The following RTTN variants were observed in gnomAD, a reference collection of about 807,000 sequenced individuals.
RTTN encodes rotatin.
A neutral mutation model predicts 269.2 loss-of-function variants in RTTN; 182 were observed. The observed-to-expected ratio is 0.68, with a 90% CI of 0.60 to 0.76. The LOEUF (loss-of-function observed/expected upper bound fraction) is 0.76. Among genes scored for constraint, RTTN ranks in the 30% least tolerant of loss-of-function variants. The pLI is 0.00. For missense variants in RTTN, 2,545 were observed against 2,608.6 expected (o/e 0.98, Z 0.53); for synonymous variants, 1,006 against 963.5 (o/e 1.04, Z -0.82).
intron 35 of RTTN, among the ~76,000 whole-genome samples, chr18:70,063,066 T>C (rs879833976): frequency 2.0e-5 from 3 of 152,218 alleles, no homozygotes; most frequent in Non-Finnish European, 2.9e-5. Flanking sequence ...GCTTGCTAAA[T>C]TATCAAGTAC....
At chr18:70,056,643 C>T (rs560259269) in intron 37 of RTTN, among the ~76,000 whole-genome samples, 8 of 152,224 alleles carry the variant, frequency 5.3e-5, no homozygotes, top group Middle Eastern at 3.4e-3. Flanking sequence ...TCTGCTCCAG[C>T]GACTCCACCC....
chr18:70,023,601 C>T (rs960324122), intron 44 of RTTN, among the ~76,000 whole-genome samples: 2 of 152,062 alleles, frequency 1.3e-5, no homozygotes, highest in Admixed American at 1.3e-4. Context: ...TTTTTTCCTT[C>T]CTACCTCCCA....
chr18:70,038,965 T>C (rs1456850300), intron 40 of RTTN, among the ~76,000 whole-genome samples: 2 of 152,120 alleles, frequency 1.3e-5, no homozygotes, highest in Admixed American at 6.5e-5. Context: ...CTCATATTAG[T>C]AGAGCTGACC....
At chr18:70,035,234 A>T (rs960389160) in intron 40 of RTTN, among the ~76,000 whole-genome samples, 2 of 152,234 alleles carry the variant, frequency 1.3e-5, no homozygotes, top group East Asian at 3.8e-4. Context: ...TATGGAACCA[A>T]AAAAGAGCCC....
intron 43 of RTTN, among the ~76,000 whole-genome samples, chr18:70,025,756 TC>T (rs2056836124): frequency 6.6e-6 from 1 of 152,224 alleles, no homozygotes; most frequent in Non-Finnish European, 1.5e-5. Context: ...TGCCATTCTG[TC>T]CACATAGTTT....
intron 8 of RTTN, among the ~76,000 whole-genome samples, chr18:70,192,756 T>C (rs924325054): frequency 6.6e-6 from 1 of 152,022 alleles, no homozygotes; most frequent in Non-Finnish European, 1.5e-5. Context: ...CCTTATTTTA[T>C]AAAATTCTCC....
At chr18:70,150,471 T>G in intron 15 of RTTN, 137 bp downstream of exon 15, 1 of 760,388 alleles carries the variant, frequency 1.3e-6, no homozygotes, top group African/African-American at 1.8e-5. Flanking sequence ...TAAATAACAC[T>G]TCAACTGAAC....
At chr18:70,103,293 T>G (rs2059226530) in intron 28 of RTTN, among the ~76,000 whole-genome samples, 1 of 151,242 alleles carries the variant, frequency 6.6e-6, no homozygotes, top group Non-Finnish European at 1.5e-5. Context: ...CCATGATGAC[T>G]ATGGCAGTTT....
At chr18:70,104,010 A>G (rs1038927729) in intron 28 of RTTN, among the ~76,000 whole-genome samples, 8 of 152,012 alleles carry the variant, frequency 5.3e-5, no homozygotes, top group Non-Finnish European at 1.2e-4. Context: ...CGTTCTCTGT[A>G]TTTCCTGAAT....
intron 32 of RTTN, among the ~76,000 whole-genome samples, chr18:70,080,830 A>C (rs958023216): frequency 9.9e-5 from 15 of 152,138 alleles, no homozygotes; most frequent in Non-Finnish European, 1.5e-5. Flanking sequence ...AGATACTTGC[A>C]CACACATGTT....
chr18:70,055,606 T>G (rs1253545341), intron 37 of RTTN, among the ~76,000 whole-genome samples: 1 of 152,184 alleles, frequency 6.6e-6, no homozygotes, highest in Non-Finnish European at 1.5e-5. Context: ...GACTTCATAT[T>G]ACATTCATAC....
intron 14 of RTTN, among the ~76,000 whole-genome samples, chr18:70,159,219 C>T (rs187915960): frequency 6.5e-4 from 99 of 152,112 alleles, no homozygotes; most frequent in African/African-American, 2.3e-3. Context: ...TCAAGAAAAC[C>T]GAAATCATAC....
chr18:70,142,259 C>G (rs1047217833), intron 19 of RTTN, 29 bp downstream of exon 19: 2 of 1,360,472 alleles, frequency 1.5e-6, no homozygotes, highest in Non-Finnish European at 2.1e-6. Context: ...ATCAGCAGTA[C>G]AGCAATCATT....
intron 14 of RTTN, among the ~76,000 whole-genome samples, chr18:70,163,007 A>G (rs1196286166): frequency 1.3e-5 from 2 of 148,668 alleles, no homozygotes; most frequent in Non-Finnish European, 3.0e-5. Flanking sequence ...TCAAAACTTG[A>G]TAAATTTAAA....
chr18:70,109,379 CTT>C, intron 28 of RTTN, 117 bp downstream of exon 28: 2 of 683,902 alleles, frequency 2.9e-6, no homozygotes, highest in South Asian at 4.2e-5. Context: ...ACTATTATGA[CTT>C]ATATAAATAA....
intron 32 of RTTN, among the ~76,000 whole-genome samples, chr18:70,077,799 T>C (rs901223103): frequency 2.0e-4 from 31 of 151,998 alleles, no homozygotes; most frequent in Middle Eastern, 3.5e-3. Context: ...TTATAAATCA[T>C]GGTAAAAATT....
chr18:70,020,643 G>A lies in RTTN; in HGVS notation c.6125C>T (p.Ser2042Leu), dbSNP rs1222803787. Residue 2042 changes from serine (S) to leucine (L), a missense_variant, in exon 45 of 49, where the codon TCG (serine) becomes TTG (leucine). Physicochemically the swap from Ser to Leu is moderately radical, Grantham distance 145. Coordinates refer to ENST00000640769, the MANE Select transcript of RTTN (RefSeq NM_173630.4). ...VFMLLSNLAL[S>L]HDCKGVIQKS... The stretch of plus-strand genomic sequence containing the variant: ...CTGAATTACTCCTTTACAGTCATGC[G>A]ACAAGGCCAGGTTTGAAAGAAGCAT... 8.7e-6 allele frequency: 14 copies of A among 1,613,796 alleles called. No individual in the cohort carries two copies. The highest frequency in any genetic ancestry group is 1.6e-4 in the Middle Eastern group (1 of 6,080).
intron 46 of RTTN, among the ~76,000 whole-genome samples, chr18:70,010,400 A>G (rs4891799): frequency 0.82 from 124,710 of 152,218 alleles, 55,732 homozygotes; most frequent in East Asian, 1. Context: ...TCACAGCACA[A>G]TGCAATCAAA....
intron 27 of RTTN, among the ~76,000 whole-genome samples, chr18:70,110,214 T>C (rs1034550088): frequency 2.7e-5 from 4 of 146,552 alleles, no homozygotes; most frequent in East Asian, 2.0e-4. Context: ...CGGGGTGACA[T>C]AGTGAGACCC....
Sources: allele counts gnomAD v4.1 joint callset (sites outside exome capture counted in the v4.1 genomes callset), GRCh38; gene constraint gnomAD v4.1.1; transcripts MANE v1.5; gene names NCBI Gene and HGNC (gene_info 2026-07-23, HGNC 2026-07-21).